The following CDKL1 variants were observed in gnomAD, a reference collection of about 807,000 sequenced individuals.
CDKL1 encodes cyclin dependent kinase like 1, also known as cyclin-dependent kinase-like 1.
Under a neutral mutation model 42.0 loss-of-function variants are expected in CDKL1, and 41 were observed. That is an observed-to-expected ratio of 0.98 (90% CI 0.76 to 1.27). The LOEUF (loss-of-function observed/expected upper bound fraction) is 1.27, where lower values mean the gene tolerates loss of function less well. Among genes scored for constraint, CDKL1 ranks in the 50% most tolerant of loss-of-function variants. The pLI, the probability that CDKL1 is intolerant of heterozygous loss-of-function variation, is 0.00. For missense variants in CDKL1, 394 were observed against 428.4 expected (o/e 0.92, Z 0.71); for synonymous variants, 153 against 158.6 (o/e 0.96, Z 0.26).
rs960106602 is a variant in CDKL1 at position 50,328,271 on chromosome 14, C to G, written c.*1803G>C. ...ACGGAAGCTGGATGTTCTTCCTTGT[C>G]ATTTGAATCAAGGCCGTCTAACAGG... is the stretch of plus-strand genomic sequence containing the variant. On this transcript the variant is annotated 3_prime_UTR_variant, in exon 10 of 10. Coordinates refer to ENST00000395834, the MANE Select transcript of CDKL1 (RefSeq NM_004196.7). 6.6e-6 allele frequency: 1 copy of G among 152,026 alleles called. No homozygotes were observed. The highest frequency in any genetic ancestry group is 2.1e-4 in the South Asian group (1 of 4,824). 9.4% of individuals were successfully genotyped at this position (152,026 alleles called of 1,614,324 possible). A position where few individuals can be genotyped will look rare whatever the true frequency, so the allele number is the denominator to read the frequency against.
intron 2 of CDKL1, chr14:50,378,457 A>G (rs746625762): frequency 7.3e-7 from 1 of 1,364,862 alleles, no homozygotes; most frequent in East Asian, 4.6e-5. Flanking sequence ...ATTCATTAAT[A>G]TGAGAGCACT....
intron 7 of CDKL1, chr14:50,336,357 G>T (rs976248117): frequency 7.2e-6 from 6 of 838,080 alleles, no homozygotes; most frequent in Admixed American, 3.7e-5. Flanking sequence ...TATTTCTGAG[G>T]CTTCACCAAC....
chr14:50,385,496 T>G lies in CDKL1; in HGVS notation c.168+10205A>C, dbSNP rs571658946. On this transcript the variant is annotated intron_variant, in intron 2 of 9. Coordinates refer to ENST00000395834, the MANE Select transcript of CDKL1 (RefSeq NM_004196.7). Reference sequence around the variant, plus strand: ...AAGAAGGTGGAAAACTCTTTCAGATTAAAGGAGACTAAAGAGTCATGGCAA... The same window carrying G: ...AAGAAGGTGGAAAACTCTTTCAGATGAAAGGAGACTAAAGAGTCATGGCAA... Among the ~76,000 whole-genome samples the G allele has an allele frequency of 2.0e-5, 3 of 152,174 alleles. No homozygotes were observed. In the South Asian group the frequency reaches 6.2e-4, roughly 32 times the overall value.
chr14:50,385,633 A>T lies in CDKL1; in HGVS notation c.168+10068T>A, dbSNP rs559953942. On this transcript the variant is annotated intron_variant, in intron 2 of 9. Coordinates refer to ENST00000395834, the MANE Select transcript of CDKL1 (RefSeq NM_004196.7). ...AGCCCGGCCAAGATGGTGAAACCCC[A>T]TCTCTACTAAAAATACAAACATTAG... 6.6e-5 allele frequency among the ~76,000 whole-genome samples: 10 copies of T among 151,936 alleles called. No homozygotes were observed. In the South Asian group the frequency reaches 2.1e-3, roughly 32 times the overall value.
At chr14:50,337,724 C>T (rs1373217478) in intron 7 of CDKL1, among the ~76,000 whole-genome samples, 4 of 138,478 alleles carry the variant, frequency 2.9e-5, no homozygotes, top group Admixed American at 7.9e-5. Context: ...TTACTCCTGT[C>T]GCCCAGGCTA....
At chr14:50,354,206 C>T (rs1349323243) in intron 3 of CDKL1, among the ~76,000 whole-genome samples, 3 of 152,116 alleles carry the variant, frequency 2.0e-5, no homozygotes, top group Non-Finnish European at 2.9e-5. Flanking sequence ...CCGCCTACCT[C>T]GGCCTCCCAA....
At chr14:50,331,659 C>T (rs922398236) in intron 9 of CDKL1, 1 of 218,870 alleles carries the variant, frequency 4.6e-6, no homozygotes, top group African/African-American at 2.3e-5. Flanking sequence ...AACTACAGTT[C>T]ATTCTAAATT....
At chr14:50,345,129 A>G in intron 3 of CDKL1, 71 bp from the exon 4 acceptor site, 1 of 1,368,116 alleles carries the variant, frequency 7.3e-7, no homozygotes, top group Non-Finnish European at 1.0e-6. Flanking sequence ...AAAAGAAAAA[A>G]TAAACGAAGA....
chr14:50,369,475 C>T (rs1003473601), intron 2 of CDKL1, among the ~76,000 whole-genome samples: 5 of 151,754 alleles, frequency 3.3e-5, no homozygotes, highest in South Asian at 2.1e-4. Flanking sequence ...AGTAGAAAAA[C>T]GTACAAGCAA....
At chr14:50,338,829 CT>C in intron 7 of CDKL1, 117 bp downstream of exon 7, 1 of 731,602 alleles carries the variant, frequency 1.4e-6, no homozygotes. Flanking sequence ...CTCCAATTTT[CT>C]TTTTCTCTGT....
At chr14:50,362,714 T>C (rs2034305007) in intron 2 of CDKL1, among the ~76,000 whole-genome samples, 1 of 152,070 alleles carries the variant, frequency 6.6e-6, no homozygotes, top group Non-Finnish European at 1.5e-5. Context: ...TGGAGAACTT[T>C]TGTGTCTAGC....
chr14:50,331,721 C>T, intron 9 of CDKL1: 1 of 336,282 alleles, frequency 3.0e-6, no homozygotes, highest in Admixed American at 4.4e-5. Context: ...CATTTTATAC[C>T]AATCAGGATT....
At chr14:50,343,613 C>G (rs754785427) in intron 4 of CDKL1, among the ~76,000 whole-genome samples, 1 of 152,174 alleles carries the variant, frequency 6.6e-6, no homozygotes, top group Non-Finnish European at 1.5e-5. Flanking sequence ...TGCTCCTATT[C>G]TGTTCTGGGA....
rs561936494 is a variant in CDKL1 at position 50,376,482 on chromosome 14, C to T, written c.169-17333G>A. Reference sequence around the variant, plus strand: ...TGTAATAGAGGAGGATGGCTGAATACATTGTGCTATATTCAGACCAGGAAA... The same window carrying T: ...TGTAATAGAGGAGGATGGCTGAATATATTGTGCTATATTCAGACCAGGAAA... On this transcript the variant is annotated intron_variant, in intron 2 of 9. Coordinates refer to ENST00000395834, the MANE Select transcript of CDKL1 (RefSeq NM_004196.7). 178 of 455,546 alleles carry T rather than the reference C, an allele frequency of 3.9e-4. 3 individuals are homozygous for T. Among genetic ancestry groups the T allele is most frequent in the South Asian group, 2.8e-3 (171 of 61,474 alleles). 28.2% of individuals were successfully genotyped at this position (455,546 alleles called of 1,614,324 possible).
At chr14:50,330,538 TAAAC>T (rs10590629) in intron 9 of CDKL1, 2,610 of 217,442 alleles carry the variant, frequency 0.012, 64 homozygotes, top group African/African-American at 0.047. Flanking sequence ...AGAAAACTGA[TAAAC>T]AGAGCACCTA....
chr14:50,342,208 G>A lies in CDKL1; in HGVS notation c.378C>T (p.Asp126=), dbSNP rs757549482. The A allele has an allele frequency of 1.1e-5, 18 of 1,613,614 alleles. No individual in the cohort carries two copies. Among genetic ancestry groups the A allele is most frequent in the African/African-American group, 6.7e-5 (5 of 74,886 alleles). ...FCHKHNCIHR[D]VKPENILITK... The stretch of plus-strand genomic sequence containing the variant: ...TGATGAGGATATTTTCTGGCTTCAC[G>A]TCTCTATGTATGCACTAGTGTAACA... Residue 126 remains aspartate (D), a synonymous_variant, in exon 5 of 10, where the codon GAC becomes GAT. Coordinates refer to ENST00000395834, the MANE Select transcript of CDKL1 (RefSeq NM_004196.7).
intron 3 of CDKL1, among the ~76,000 whole-genome samples, chr14:50,350,842 G>A (rs1236640828): frequency 6.6e-6 from 1 of 152,182 alleles, no homozygotes; most frequent in Non-Finnish European, 1.5e-5. Context: ...GCCTTGTTGA[G>A]AGCTCCAGTT....
In CDKL1 at chr14:50,388,969, G is replaced by A. The variant is rs148028022; in HGVS notation, c.168+6732C>T. On this transcript the variant is annotated intron_variant, in intron 2 of 9. Coordinates refer to ENST00000395834, the MANE Select transcript of CDKL1 (RefSeq NM_004196.7). ...AAAAATTAGCTGGGTGTGGTGGCAC[G>A]CCCCTGTAGTCCTATCTACTGGGGG... Among the ~76,000 whole-genome samples, 1,100 of 151,974 alleles carry A rather than the reference G, an allele frequency of 7.2e-3. 14 individuals are homozygous for A. Among genetic ancestry groups the A allele is most frequent in the African/African-American group, 0.025 (1,031 of 41,422 alleles).
At chr14:50,393,573 G>T (rs754423052) in intron 2 of CDKL1, among the ~76,000 whole-genome samples, 1 of 152,098 alleles carries the variant, frequency 6.6e-6, no homozygotes, top group Non-Finnish European at 1.5e-5. Flanking sequence ...TGAACTGCTG[G>T]GCTTAAGCCA....
Sources: allele counts gnomAD v4.1 joint callset (sites outside exome capture counted in the v4.1 genomes callset), GRCh38; gene constraint gnomAD v4.1.1; transcripts MANE v1.5; gene names NCBI Gene and HGNC (gene_info 2026-07-23, HGNC 2026-07-21).